KIAA1328: variants seen among roughly 807,000 people sequenced by gnomAD.
KIAA1328 encodes the protein protein hinderin.
KIAA1328 carries 52 observed loss-of-function variants against 68.1 expected under a neutral mutation model. The observed-to-expected ratio is 0.76, with a 90% CI of 0.61 to 0.96. The LOEUF (loss-of-function observed/expected upper bound fraction) is 0.96, where lower values mean the gene tolerates loss of function less well. KIAA1328 is among the 40% of genes least tolerant of loss of function. The pLI is 0.00. For missense variants in KIAA1328, 641 were observed against 677.6 expected (o/e 0.95, Z 0.60); for synonymous variants, 232 against 239.4 (o/e 0.97, Z 0.28).
intron 9 of KIAA1328, among the ~76,000 whole-genome samples, chr18:37,206,704 T>C (rs2060222766): frequency 6.6e-6 from 1 of 152,200 alleles, no homozygotes. Flanking sequence ...TTTAGAAAGT[T>C]GATCTGCCAA....
chr18:36,923,591 T>C (rs1053973263), intron 5 of KIAA1328, among the ~76,000 whole-genome samples: 2 of 152,142 alleles, frequency 1.3e-5, no homozygotes, highest in Non-Finnish European at 2.9e-5. Context: ...TTAAAGAAAT[T>C]GTATTTGTAG....
At chr18:36,831,436 T>C (rs1465832258) in intron 1 of KIAA1328, among the ~76,000 whole-genome samples, 1 of 152,216 alleles carries the variant, frequency 6.6e-6, no homozygotes, top group Non-Finnish European at 1.5e-5. Context: ...ATGTTATGGG[T>C]TAAATCTTCC....
chr18:36,949,253 T>A (rs531407989), intron 5 of KIAA1328, among the ~76,000 whole-genome samples: 2 of 152,304 alleles, frequency 1.3e-5, no homozygotes, highest in Non-Finnish European at 2.9e-5. Context: ...AAAAAATAAA[T>A]TTTTAAGCAA....
At chr18:37,039,522 C>T (rs1480657028) in intron 6 of KIAA1328, among the ~76,000 whole-genome samples, 1 of 151,994 alleles carries the variant, frequency 6.6e-6, no homozygotes, top group Non-Finnish European at 1.5e-5. Flanking sequence ...AAGCAATTCT[C>T]CTGCCTTAGC....
chr18:36,833,757 T>G (rs951712762), intron 1 of KIAA1328, among the ~76,000 whole-genome samples: 2 of 152,346 alleles, frequency 1.3e-5, no homozygotes, highest in East Asian at 3.9e-4. Flanking sequence ...AATAGTTCTT[T>G]TTGTCTTAAA....
At chr18:36,903,843 G>C (rs1277653347) in intron 5 of KIAA1328, among the ~76,000 whole-genome samples, 4 of 152,086 alleles carry the variant, frequency 2.6e-5, no homozygotes, top group Non-Finnish European at 4.4e-5. Context: ...CCATCTTCTA[G>C]TTCCTTGCTA....
intron 5 of KIAA1328, among the ~76,000 whole-genome samples, chr18:36,949,597 T>TCCCCCCCCCCCCCCCCCCCCC (rs71168248): frequency 3.5e-5 from 2 of 57,358 alleles, no homozygotes; most frequent in African/African-American, 6.6e-5. Context: ...TCTACCCAGC[T>TCCCCCCCCCCCCCCCCCCCCC]CCCCCCCCCC....
intron 7 of KIAA1328, among the ~76,000 whole-genome samples, chr18:37,117,424 T>C (rs2058143276): frequency 6.6e-6 from 1 of 152,130 alleles, no homozygotes; most frequent in Admixed American, 6.5e-5. Context: ...TTCTCACTCA[T>C]AGGTGGGAAT....
chr18:37,034,074 A>G (rs1311878948), intron 6 of KIAA1328, among the ~76,000 whole-genome samples: 3 of 152,190 alleles, frequency 2.0e-5, no homozygotes, highest in African/African-American at 7.2e-5. Flanking sequence ...AAAAATTCTC[A>G]TTGAAACCAT....
At chr18:36,956,420 A>C (rs145075347) in intron 5 of KIAA1328, among the ~76,000 whole-genome samples, 1 of 151,940 alleles carries the variant, frequency 6.6e-6, no homozygotes, top group Non-Finnish European at 1.5e-5. Context: ...TGAGTTAAAT[A>C]TATGTTCTTT....
intron 5 of KIAA1328, among the ~76,000 whole-genome samples, chr18:36,938,669 A>T (rs1213905980): frequency 6.6e-6 from 1 of 152,102 alleles, no homozygotes; most frequent in Non-Finnish European, 1.5e-5. Context: ...GTCCTGACCA[A>T]CAGAGAATTT....
At position 37,160,316 on chromosome 18, in the gene KIAA1328, A is replaced by T; in HGVS notation, c.1349A>T (p.His450Leu). 6.2e-7 allele frequency: 1 copy of T among 1,613,742 alleles called. No individual in the cohort carries two copies. Among genetic ancestry groups the T allele is most frequent in the Non-Finnish European group, 8.5e-7 (1 of 1,179,702 alleles). ...AAGGAGAGGAAGACAGTTGGGTTTC[A>T]TTCGCATATGAAAGATGATGCCCAG... ...NRKERKTVGF[H>L]SHMKDDAQWS... The change falls in exon 8 of 10, where the codon CAT becomes CTT. Residue 450 changes from histidine (H) to leucine (L), a missense_variant. His to Leu is a moderately conservative substitution (Grantham distance 99). Transcript: ENST00000280020.
intron 9 of KIAA1328, among the ~76,000 whole-genome samples, chr18:37,209,925 A>G (rs1045325669): frequency 6.6e-6 from 1 of 152,200 alleles, no homozygotes; most frequent in African/African-American, 2.4e-5. Context: ...ATCCCATGAG[A>G]ATGGATAGCA....
intron 6 of KIAA1328, among the ~76,000 whole-genome samples, chr18:36,985,683 C>T (rs947648616): frequency 6.6e-6 from 1 of 152,068 alleles, no homozygotes; most frequent in Non-Finnish European, 1.5e-5. Flanking sequence ...TACTGTGGCT[C>T]CATATACCCC....
chr18:36,970,590 A>T (rs2052156106), intron 6 of KIAA1328, among the ~76,000 whole-genome samples: 1 of 152,246 alleles, frequency 6.6e-6, no homozygotes, highest in Non-Finnish European at 1.5e-5. Flanking sequence ...TAAGCTGATA[A>T]GCAACTTCAG....
chr18:37,017,576 A>G (rs768449452), intron 6 of KIAA1328, among the ~76,000 whole-genome samples: 2 of 152,068 alleles, frequency 1.3e-5, no homozygotes, highest in Non-Finnish European at 2.9e-5. Context: ...AAGTCCTCCA[A>G]TACTATTGTG....
chr18:37,157,783 G>A (rs575351055), intron 7 of KIAA1328, among the ~76,000 whole-genome samples: 58 of 145,238 alleles, frequency 4.0e-4, no homozygotes, highest in Admixed American at 4.8e-4. Flanking sequence ...ACTCCAGCCC[G>A]GGCAACAGAG....
At chr18:37,039,242 TTCC>T (rs1159489752) in intron 6 of KIAA1328, among the ~76,000 whole-genome samples, 2 of 152,148 alleles carry the variant, frequency 1.3e-5, no homozygotes, top group Non-Finnish European at 2.9e-5. Context: ...TTAACAGTAT[TTCC>T]TCCTCTATTT....
chr18:37,121,126 A>G (rs924305585), intron 7 of KIAA1328, among the ~76,000 whole-genome samples: 1 of 152,154 alleles, frequency 6.6e-6, no homozygotes, highest in Non-Finnish European at 1.5e-5. Flanking sequence ...AGAGCCTATA[A>G]AGGTATAGTC....
Sources: allele counts gnomAD v4.1 joint callset (sites outside exome capture counted in the v4.1 genomes callset), GRCh38; gene constraint gnomAD v4.1.1; transcripts MANE v1.5; gene names NCBI Gene and HGNC (gene_info 2026-07-23, HGNC 2026-07-21).